The following GATAD2B variants were observed in gnomAD, a reference collection of about 807,000 sequenced individuals.
GATAD2B encodes the protein GATA zinc finger domain containing 2B, also known as transcriptional repressor p66-beta.
Under a neutral mutation model 64.3 loss-of-function variants are expected in GATAD2B, and 8 were observed. The ratio of observed to expected loss-of-function variants is 0.12; its 90% CI spans 0.07 to 0.22. GATAD2B has a LOEUF of 0.22. Ranked by LOEUF, GATAD2B falls within the 10% of genes least tolerant of loss-of-function variation. The pLI, the probability that GATAD2B is intolerant of heterozygous loss-of-function variation, is 1.00. For missense variants in GATAD2B, 453 were observed against 752.0 expected, an observed-to-expected ratio of 0.60 and a Z score of 4.65; for synonymous variants, 281 against 271.3, an observed-to-expected ratio of 1.04 and a Z score of -0.35.
chr1:153,859,689 A>AAT (rs1676211680), intron 1 of GATAD2B, among the ~76,000 whole-genome samples: 1 of 150,546 alleles, frequency 6.6e-6, no homozygotes, highest in Admixed American at 6.6e-5. Flanking sequence ...TAATAAAAAA[A>AAT]AAAAAAGACC....
chr1:153,843,173 T>C (rs932477505), intron 1 of GATAD2B, among the ~76,000 whole-genome samples: 2 of 151,652 alleles, frequency 1.3e-5, no homozygotes, highest in Non-Finnish European at 2.9e-5. Flanking sequence ...CTCACTCTGT[T>C]GCCCAGGCTG....
intron 1 of GATAD2B, among the ~76,000 whole-genome samples, chr1:153,879,568 C>G (rs1437166601): frequency 6.6e-6 from 1 of 151,746 alleles, no homozygotes; most frequent in Non-Finnish European, 1.5e-5. Context: ...TCGAGACCAT[C>G]CTGGCCAACA....
chr1:153,890,148 G>A (rs1273665795), intron 1 of GATAD2B, among the ~76,000 whole-genome samples: 3 of 148,016 alleles, frequency 2.0e-5, no homozygotes, highest in African/African-American at 5.0e-5. Context: ...CTCCAGCCTG[G>A]GCAACAAGAG....
At chr1:153,845,995 G>A (rs1442686529) in intron 1 of GATAD2B, among the ~76,000 whole-genome samples, 2 of 128,588 alleles carry the variant, frequency 1.6e-5, no homozygotes, top group African/African-American at 2.9e-5. Flanking sequence ...TTGCCTTAAA[G>A]TTTGTCTTAT....
At chr1:153,885,943 T>C (rs1388892915) in intron 1 of GATAD2B, among the ~76,000 whole-genome samples, 1 of 151,402 alleles carries the variant, frequency 6.6e-6, no homozygotes, top group African/African-American at 2.4e-5. Context: ...AAATGCTGTC[T>C]GGGAGGATCA....
At chr1:153,853,128 G>A in intron 1 of GATAD2B, 1 of 1,445,346 alleles carries the variant, frequency 6.9e-7, no homozygotes. Flanking sequence ...ATTCAGAATA[G>A]GCAGTCTCTC....
intron 1 of GATAD2B, among the ~76,000 whole-genome samples, chr1:153,839,097 AGACCCTGTCTC>A (rs1675375759): frequency 7.6e-6 from 1 of 131,930 alleles, no homozygotes; most frequent in Admixed American, 8.3e-5. Flanking sequence ...TGACAGAACG[AGACCCTGTCTC>A]AAAAAAAAAA....
At chr1:153,910,250 A>G (rs1324740730) in intron 1 of GATAD2B, among the ~76,000 whole-genome samples, 1 of 152,212 alleles carries the variant, frequency 6.6e-6, no homozygotes, top group Non-Finnish European at 1.5e-5. Flanking sequence ...TCACACACAG[A>G]TTAGAAGACC....
Position 153,828,159 on chromosome 1 carries a change from T to C in GATAD2B, c.189A>G (p.Leu63=), listed in dbSNP as rs771860843. Residue 63 remains leucine, a synonymous_variant, in exon 2 of 11, where the codon TTA becomes TTG. Transcript: ENST00000368655. The part of the protein sequence containing the change: ...DLANLEVPHE[L]PTKQDGSGVK... ...CACCACTGCCATCCTGTTTGGTGGG[T>C]AACTCATGTGGCACCTCAAGATTTG... is the stretch of plus-strand genomic sequence containing the variant. The C allele has an allele frequency of 6.2e-7, 1 of 1,614,210 alleles. No homozygotes were observed.
chr1:153,827,981 C>T, intron 2 of GATAD2B, 32 bp downstream of exon 2: 2 of 1,524,522 alleles, frequency 1.3e-6, no homozygotes, highest in Non-Finnish European at 1.8e-6. Flanking sequence ...TGAGACGACC[C>T]TATCCCTGGA....
chr1:153,917,051 C>A (rs1050638166), intron 1 of GATAD2B, among the ~76,000 whole-genome samples: 1 of 150,194 alleles, frequency 6.7e-6, no homozygotes, highest in Admixed American at 6.7e-5. Context: ...CGTGATCTAC[C>A]CCCCTCGGCC....
intron 1 of GATAD2B, among the ~76,000 whole-genome samples, chr1:153,916,558 T>C (rs1037728993): frequency 2.6e-5 from 4 of 152,164 alleles, no homozygotes; most frequent in Non-Finnish European, 5.9e-5. Flanking sequence ...TAGCTCACAG[T>C]AGACAACCGG....
chr1:153,881,676 C>T (rs1677014506), intron 1 of GATAD2B, among the ~76,000 whole-genome samples: 1 of 152,124 alleles, frequency 6.6e-6, no homozygotes, highest in Admixed American at 6.6e-5. Context: ...TAGAGGTATA[C>T]ATTTTTCCGT....
intron 1 of GATAD2B, among the ~76,000 whole-genome samples, chr1:153,846,013 T>C (rs1245960361): frequency 6.7e-6 from 1 of 150,060 alleles, no homozygotes; most frequent in Non-Finnish European, 1.5e-5. Flanking sequence ...TATATTAGTA[T>C]GGTGACATTA....
At chr1:153,841,124 C>CAAAAAA (rs941317761) in intron 1 of GATAD2B, among the ~76,000 whole-genome samples, 4 of 77,434 alleles carry the variant, frequency 5.2e-5, no homozygotes, top group East Asian at 6.7e-4. Flanking sequence ...GACTCCGTCT[C>CAAAAAA]AAAAAAAAAA....
At chr1:153,891,082 G>C (rs1436298078) in intron 1 of GATAD2B, among the ~76,000 whole-genome samples, 1 of 151,982 alleles carries the variant, frequency 6.6e-6, no homozygotes, top group Non-Finnish European at 1.5e-5. Flanking sequence ...TACTCAGGAG[G>C]CTGAGGAAGG....
At chr1:153,821,709 A>T (rs1674689286) in intron 2 of GATAD2B, among the ~76,000 whole-genome samples, 2 of 151,452 alleles carry the variant, frequency 1.3e-5, no homozygotes, top group South Asian at 4.2e-4. Flanking sequence ...GATTACAGGT[A>T]CCCGGCACCG....
chr1:153,906,024 G>A (rs1452914618), intron 1 of GATAD2B, among the ~76,000 whole-genome samples: 1 of 146,982 alleles, frequency 6.8e-6, no homozygotes, highest in African/African-American at 2.5e-5. Context: ...CCGAGATCAC[G>A]CCACTGCACT....
intron 1 of GATAD2B, among the ~76,000 whole-genome samples, chr1:153,877,908 G>A (rs1042276153): frequency 2.7e-5 from 4 of 150,586 alleles, no homozygotes; most frequent in Admixed American, 6.6e-5. Flanking sequence ...AAAAAAAAGG[G>A]TAATTATTAC....
Sources: allele counts gnomAD v4.1 joint callset (sites outside exome capture counted in the v4.1 genomes callset), GRCh38; gene constraint gnomAD v4.1.1; transcripts MANE v1.5; gene names NCBI Gene and HGNC (gene_info 2026-07-23, HGNC 2026-07-21).